Variants in NEK7 observed in about 807,000 individuals in gnomAD.
NEK7 encodes serine/threonine-protein kinase Nek7.
Under a neutral mutation model 44.6 loss-of-function variants are expected in NEK7, and 18 were observed. The observed-to-expected ratio is 0.40, with a 90% CI of 0.28 to 0.60. The LOEUF is 0.60. Among genes scored for constraint, NEK7 ranks in the 20% least tolerant of loss-of-function variants. The pLI is 0.38. For missense variants in NEK7, 256 were observed against 366.5 expected, an observed-to-expected ratio of 0.70 and a Z score of 2.46; for synonymous variants, 130 against 121.1, an observed-to-expected ratio of 1.07 and a Z score of -0.48.
At chr1:198,310,711 A>C (rs1317882337) in intron 9 of NEK7, among the ~76,000 whole-genome samples, 10 of 152,032 alleles carry the variant, frequency 6.6e-5, no homozygotes, top group Non-Finnish European at 1.3e-4. Context: ...TCCTTTCCCC[A>C]TTGCTTGTTT....
chr1:198,304,512 G>A (rs113283672), intron 9 of NEK7, among the ~76,000 whole-genome samples: 5 of 152,256 alleles, frequency 3.3e-5, no homozygotes, highest in African/African-American at 9.6e-5. Flanking sequence ...TGGTCTCAGA[G>A]GGATTAAGAT....
intron 1 of NEK7, among the ~76,000 whole-genome samples, chr1:198,180,385 A>G (rs1664732132): frequency 6.6e-6 from 1 of 152,030 alleles, no homozygotes. Context: ...TTTTAACTGT[A>G]TAGCTAGATG....
At chr1:198,312,426 G>A (rs1010645498) in intron 9 of NEK7, among the ~76,000 whole-genome samples, 47 of 151,502 alleles carry the variant, frequency 3.1e-4, no homozygotes, top group African/African-American at 7.8e-4. Context: ...GGTTTTTTGC[G>A]TCTCTATTTC....
In NEK7 at chr1:198,188,279, A is replaced by G. The variant is rs142549371; in HGVS notation, c.-29+31003A>G. On this transcript the variant is annotated intron_variant, in intron 1 of 9. Transcript: ENST00000367385. ...AATGACTAAGTAAGCTGATTAGCTTACCACAACTTCATAGGTGATAAAAGT... is the reference window on the plus strand; with the variant it reads ...AATGACTAAGTAAGCTGATTAGCTTGCCACAACTTCATAGGTGATAAAAGT... Among the ~76,000 whole-genome samples, 191 of 152,296 alleles carry G rather than the reference A, an allele frequency of 1.3e-3. 3 individuals are homozygous for G. In the East Asian group the frequency reaches 0.017, roughly 14 times the overall value.
At chr1:198,269,922 T>C (rs1043055102) in intron 5 of NEK7, among the ~76,000 whole-genome samples, 7 of 152,052 alleles carry the variant, frequency 4.6e-5, no homozygotes, top group African/African-American at 1.4e-4. Context: ...ATCAGAATTT[T>C]AAAGGAAAAT....
intron 1 of NEK7, among the ~76,000 whole-genome samples, chr1:198,184,055 G>A (rs1259303193): frequency 1.3e-5 from 2 of 152,190 alleles, no homozygotes; most frequent in African/African-American, 4.8e-5. Flanking sequence ...CTTAACAACA[G>A]CTTTCTTTAA....
intron 2 of NEK7, among the ~76,000 whole-genome samples, chr1:198,246,535 G>T (rs1458089444): frequency 6.6e-6 from 1 of 152,228 alleles, no homozygotes; most frequent in Non-Finnish European, 1.5e-5. Flanking sequence ...CCGCCCTCTG[G>T]CCCTCTTTCG....
At chr1:198,200,404 G>A (rs1232749242) in intron 1 of NEK7, among the ~76,000 whole-genome samples, 1 of 151,884 alleles carries the variant, frequency 6.6e-6, no homozygotes, top group Non-Finnish European at 1.5e-5. Flanking sequence ...GGCTTTAAAT[G>A]GTACCACCAT....
chr1:198,256,154 C>A (rs866156902), intron 3 of NEK7, among the ~76,000 whole-genome samples: 1 of 152,082 alleles, frequency 6.6e-6, no homozygotes, highest in South Asian at 2.1e-4. Flanking sequence ...TGGTTGAGTT[C>A]ATAAAATATT....
At chr1:198,271,715 A>T (rs1653848309) in intron 5 of NEK7, among the ~76,000 whole-genome samples, 1 of 151,802 alleles carries the variant, frequency 6.6e-6, no homozygotes, top group Admixed American at 6.6e-5. Flanking sequence ...AGCCCATATC[A>T]GACAATTATG....
intron 2 of NEK7, among the ~76,000 whole-genome samples, chr1:198,249,949 T>C (rs1652867810): frequency 6.8e-6 from 1 of 146,954 alleles, no homozygotes; most frequent in African/African-American, 2.6e-5. Context: ...CATGAAGTCC[T>C]TGCCCATGCC....
intron 1 of NEK7, among the ~76,000 whole-genome samples, chr1:198,203,739 C>T (rs1056466743): frequency 1.3e-5 from 2 of 152,096 alleles, no homozygotes; most frequent in Admixed American, 6.5e-5. Flanking sequence ...TGAACCTCAC[C>T]CCCCACATCT....
chr1:198,220,419 T>C (rs1026579600), intron 1 of NEK7, among the ~76,000 whole-genome samples: 1 of 152,090 alleles, frequency 6.6e-6, no homozygotes, highest in Non-Finnish European at 1.5e-5. Context: ...GTTAGTTTAA[T>C]GTGTTTAACT....
At chr1:198,160,920 T>TTA (rs1664085366) in intron 1 of NEK7, among the ~76,000 whole-genome samples, 1 of 152,160 alleles carries the variant, frequency 6.6e-6, no homozygotes, top group Non-Finnish European at 1.5e-5. Context: ...AAGAAAACAC[T>TTA]TACAGAGTAT....
chr1:198,313,340 T>C (rs370320376), intron 9 of NEK7, among the ~76,000 whole-genome samples: 2 of 151,340 alleles, frequency 1.3e-5, no homozygotes, highest in Non-Finnish European at 2.9e-5. Flanking sequence ...TGTCTCTGCA[T>C]GTGAGATGGG....
At chr1:198,240,972 C>T (rs960938715) in intron 2 of NEK7, among the ~76,000 whole-genome samples, 12 of 152,300 alleles carry the variant, frequency 7.9e-5, no homozygotes, top group East Asian at 1.9e-4. Flanking sequence ...GGATTACAGG[C>T]GTGAGCCACC....
At chr1:198,290,484 A>G (rs1654520650) in intron 7 of NEK7, among the ~76,000 whole-genome samples, 2 of 152,184 alleles carry the variant, frequency 1.3e-5, no homozygotes, top group African/African-American at 2.4e-5. Context: ...AGAGAGAGGT[A>G]AGGACTAATC....
At chr1:198,290,684 A>G (rs1260488549) in intron 7 of NEK7, among the ~76,000 whole-genome samples, 1 of 152,226 alleles carries the variant, frequency 6.6e-6, no homozygotes, top group Non-Finnish European at 1.5e-5. Context: ...CTCATCTTAT[A>G]TAATGACTGT....
In NEK7 at chr1:198,322,023, T is replaced by A. The variant is rs1307868807; in HGVS notation, c.*2501T>A. The A allele has an allele frequency of 6.6e-6, 1 of 152,124 alleles. No homozygotes were observed. Among genetic ancestry groups the A allele is most frequent in the Non-Finnish European group, 1.5e-5 (1 of 67,978 alleles). 9.4% of individuals were successfully genotyped at this position (152,124 alleles called of 1,614,324 possible). On this transcript the variant is annotated 3_prime_UTR_variant, in exon 10 of 10. Coordinates refer to ENST00000367385, the MANE Select transcript of NEK7 (RefSeq NM_133494.3). ...GGGTATCTCTATATAAATAAAGTGC[T>A]CAACAATGTGCAATGATTGTAAATT...
Sources: allele counts gnomAD v4.1 joint callset (sites outside exome capture counted in the v4.1 genomes callset), GRCh38; gene constraint gnomAD v4.1.1; transcripts MANE v1.5; gene names NCBI Gene and HGNC (gene_info 2026-07-23, HGNC 2026-07-21).